Variants in ATP13A3 observed in about 807,000 individuals in gnomAD.
The protein encoded by ATP13A3 is polyamine-transporting ATPase 13A3.
Under a neutral mutation model 158.1 loss-of-function variants are expected in ATP13A3, and 59 were observed. That is an observed-to-expected ratio of 0.37 (90% CI 0.30 to 0.46). ATP13A3 has a LOEUF of 0.46. ATP13A3 is among the 20% of genes least tolerant of loss of function. The pLI, the probability that ATP13A3 is intolerant of heterozygous loss-of-function variation, is 1.00. For missense variants in ATP13A3, 1,166 were observed against 1,525.2 expected (o/e 0.76, Z 3.92); for synonymous variants, 491 against 504.3 (o/e 0.97, Z 0.35).
At chr3:194,412,010 A>G (rs1438900896) in intron 33 of ATP13A3, among the ~76,000 whole-genome samples, 189 bp downstream of exon 33, 1 of 152,170 alleles carries the variant, frequency 6.6e-6, no homozygotes, top group African/African-American at 2.4e-5. Flanking sequence ...TTTGCCATGA[A>G]TTTTCTAGGA....
In ATP13A3 at chr3:194,403,258, A is replaced by T. The variant is rs1714731887; in HGVS notation, c.*2661T>A. 6.6e-6 allele frequency: 1 copy of T among 152,250 alleles called. No individual in the cohort carries two copies. The highest frequency in any genetic ancestry group is 2.4e-5 in the African/African-American group (1 of 41,474). 9.4% of individuals were successfully genotyped at this position (152,250 alleles called of 1,614,324 possible). A position where few individuals can be genotyped will look rare whatever the true frequency, so the allele number is the denominator to read the frequency against. Reference sequence around the variant, plus strand: ...ACTGCAACAGTTTTGTTTAGATGCAAGTGCAATTGGGAAAGCTTTCGAATT... The same window carrying T: ...ACTGCAACAGTTTTGTTTAGATGCATGTGCAATTGGGAAAGCTTTCGAATT... On this transcript the variant is annotated 3_prime_UTR_variant, in exon 34 of 34. Transcript: ENST00000645319.
intron 29 of ATP13A3, 127 bp from the exon 30 acceptor site, chr3:194,425,656 G>A: frequency 1.4e-6 from 1 of 719,360 alleles, no homozygotes; most frequent in East Asian, 2.8e-5. Context: ...TACAGCAAAA[G>A]GTCCAACAAT....
intron 31 of ATP13A3, among the ~76,000 whole-genome samples, 173 bp from the exon 32 acceptor site, chr3:194,414,012 T>C (rs1577025765): frequency 6.6e-6 from 1 of 152,140 alleles, no homozygotes; most frequent in South Asian, 2.1e-4. Flanking sequence ...CCCTTTCAGA[T>C]GATAAAACTC....
chr3:194,414,745 T>C (rs1217162065), intron 31 of ATP13A3, among the ~76,000 whole-genome samples: 1 of 152,146 alleles, frequency 6.6e-6, no homozygotes, highest in African/African-American at 2.4e-5. Flanking sequence ...CACTTCTGAC[T>C]TGAATAAATA....
chr3:194,462,729 G>A (rs1310725731), intron 2 of ATP13A3, among the ~76,000 whole-genome samples: 1 of 152,180 alleles, frequency 6.6e-6, no homozygotes, highest in East Asian at 1.9e-4. Context: ...CTTGCTCATG[G>A]GATGTATCAA....
intron 13 of ATP13A3, among the ~76,000 whole-genome samples, chr3:194,447,630 AG>A (rs1219983492): frequency 9.2e-5 from 14 of 151,716 alleles, no homozygotes; most frequent in Non-Finnish European, 2.1e-4. Flanking sequence ...TCTAAACCAG[AG>A]GCACCCAAAA....
In ATP13A3 at chr3:194,403,780, G is replaced by A. The variant is rs904043484; in HGVS notation, c.*2139C>T. The stretch of plus-strand genomic sequence containing the variant: ...GCATTCTTCAAATAACATTCTCAAC[G>A]TGAATAACCCACCTTGTCTATATTC... On this transcript the variant is annotated 3_prime_UTR_variant, in exon 34 of 34. Coordinates refer to ENST00000645319, the MANE Select transcript of ATP13A3 (RefSeq NM_001367549.1). The A allele has an allele frequency of 1.1e-4, 23 of 206,146 alleles. No homozygotes were observed. The highest frequency in any genetic ancestry group is 5.5e-4 in the African/African-American group (23 of 41,968). 12.8% of individuals were successfully genotyped at this position (206,146 alleles called of 1,614,324 possible).
chr3:194,417,410 C>CAA (rs1715935730), intron 31 of ATP13A3, among the ~76,000 whole-genome samples: 1 of 148,454 alleles, frequency 6.7e-6, no homozygotes, highest in African/African-American at 2.5e-5. Flanking sequence ...CACACACACA[C>CAA]ACACACACAC....
upstream of ATP13A3, among the ~76,000 whole-genome samples, chr3:194,489,468 C>T (rs1721120632): frequency 6.6e-6 from 1 of 152,054 alleles, no homozygotes; most frequent in South Asian, 2.1e-4. This position sits in a 1 kb window ranked among gnomAD's most constrained non-coding sequence, Gnocchi z 4.1. Flanking sequence ...TACGGTGGTT[C>T]CCACTGGCAT....
Position 194,486,602 on chromosome 3 carries a change from C to T in ATP13A3, c.-125G>A, listed in dbSNP as rs1238797325. ...ACTGGCCGCCGCCGCGCCGCCTCCT[C>T]CGCGGCCTCCCTCGCGGCCGGACCA... On this transcript the variant is annotated 5_prime_UTR_variant, in exon 1 of 34. Coordinates refer to ENST00000645319, the MANE Select transcript of ATP13A3 (RefSeq NM_001367549.1). 1.3e-5 allele frequency: 2 copies of T among 149,960 alleles called. No homozygotes were observed. Among genetic ancestry groups the T allele is most frequent in the African/African-American group, 4.9e-5 (2 of 41,060 alleles). The allele number at this position is 149,960 out of a possible 1,614,324, so 9.3% of individuals were successfully genotyped here.
In ATP13A3 at chr3:194,403,917, T is replaced by G. The variant is rs933101684; in HGVS notation, c.*2002A>C. 1.8e-4 allele frequency: 51 copies of G among 275,758 alleles called. No individual in the cohort carries two copies. The highest frequency in any genetic ancestry group is 2.8e-4 in the Non-Finnish European group (40 of 141,410). The allele number at this position is 275,758 out of a possible 1,614,324, so 17.1% of individuals were successfully genotyped here. On this transcript the variant is annotated 3_prime_UTR_variant, in exon 34 of 34. Transcript: ENST00000645319. The stretch of plus-strand genomic sequence containing the variant: ...TTACTAACTCTAAATGTTAAAAAAG[T>G]GGGGGGGGGGTGTCAAAAATAGCTC...
rs189515689 is a variant in ATP13A3 at position 194,420,929 on chromosome 3, G to A, written c.3314-962C>T. Among the ~76,000 whole-genome samples, 215 of 150,408 alleles carry A rather than the reference G, an allele frequency of 1.4e-3. 1 individual carries two copies. The highest frequency in any genetic ancestry group is 4.6e-3 in the Admixed American group (69 of 14,980). On this transcript the variant is annotated intron_variant, in intron 30 of 33. Transcript: ENST00000645319. Reference sequence around the variant, plus strand: ...CAAAAACTTTATCATGAAGCCTCCAGACTGGGTAAAGAACTTACTTTTTAC... The same window carrying A: ...CAAAAACTTTATCATGAAGCCTCCAAACTGGGTAAAGAACTTACTTTTTAC...
chr3:194,443,361 A>G (rs1718179759), intron 15 of ATP13A3, among the ~76,000 whole-genome samples: 1 of 152,202 alleles, frequency 6.6e-6, no homozygotes, highest in African/African-American at 2.4e-5. Flanking sequence ...TGGGATGCAT[A>G]AAGTGAGAAA....
rs200914446 is a variant in ATP13A3, at chr3:194,406,005, C to A, written c.3685G>T (p.Glu1229Ter). The A allele has an allele frequency of 6.2e-7, 1 of 1,614,168 alleles. No individual in the cohort carries two copies. The highest frequency in any genetic ancestry group is 8.5e-7 in the Non-Finnish European group (1 of 1,180,032). ...GTTGTCTGAGGTTTTGGTGGCCATT[C>A]TGGATCAACCAAGAGCTCCTGCGCC... is the stretch of plus-strand genomic sequence containing the variant. The part of the protein sequence containing the change: ...YLAQELLVDP[E>*]WPPKPQTTTE... The change falls in exon 34 of 34, where the codon GAA becomes TAA. Residue 1229 changes from glutamate to a stop codon, truncating the protein, a stop_gained. Coordinates refer to ENST00000645319, the MANE Select transcript of ATP13A3 (RefSeq NM_001367549.1). LOFTEE classifies it high-confidence loss of function.
intron 31 of ATP13A3, among the ~76,000 whole-genome samples, chr3:194,416,827 TG>T (rs1715888857): frequency 6.6e-6 from 1 of 152,268 alleles, no homozygotes; most frequent in Admixed American, 6.5e-5. Flanking sequence ...ATAAGGCTTC[TG>T]GGAACAAGAT....
Position 194,405,896 on chromosome 3 carries a change from A to G in ATP13A3, c.*23T>C, listed in dbSNP as rs760872928. On this transcript the variant is annotated 3_prime_UTR_variant, in exon 34 of 34. Transcript: ENST00000645319. Reference sequence around the variant, plus strand: ...ATATTCCTGAATACTGCTATCAGCAATACCACTGAGACTGATTCACTGCTA... The same window carrying G: ...ATATTCCTGAATACTGCTATCAGCAGTACCACTGAGACTGATTCACTGCTA... The G allele has an allele frequency of 6.2e-7, 1 of 1,610,406 alleles. No homozygotes were observed. Among genetic ancestry groups the G allele is most frequent in the East Asian group, 2.2e-5 (1 of 44,858 alleles).
chr3:194,410,774 A>G (rs1299450079), intron 33 of ATP13A3, among the ~76,000 whole-genome samples: 1 of 152,146 alleles, frequency 6.6e-6, no homozygotes, highest in African/African-American at 2.4e-5. Context: ...ATCAATAGTC[A>G]GAGATCTCTT....
At chr3:194,435,108 T>C (rs1717528887) in intron 20 of ATP13A3, among the ~76,000 whole-genome samples, 2 of 152,226 alleles carry the variant, frequency 1.3e-5, no homozygotes, top group Non-Finnish European at 2.9e-5. Flanking sequence ...TATGTATCTA[T>C]GAAATCTAAA....
chr3:194,430,441 T>A, intron 24 of ATP13A3, 126 bp from the exon 25 acceptor site: 1 of 1,083,722 alleles, frequency 9.2e-7, no homozygotes, highest in Non-Finnish European at 1.4e-6. Flanking sequence ...AGTGGAACTA[T>A]GAATCTTTTC....
Sources: gnomAD v4.1 joint callset for allele counts (sites outside exome capture counted in the v4.1 genomes callset) on GRCh38, gnomAD v4.1.1 for gene constraint, Gnocchi (gnomAD v3.1) non-coding constraint, MANE v1.5 for transcripts, NCBI Gene and HGNC (gene_info 2026-07-23, HGNC 2026-07-21) for gene names.